ZFHX3: variants seen among roughly 807,000 people sequenced by gnomAD.
The protein encoded by ZFHX3 is zinc finger homeobox 3.
A neutral mutation model predicts 279.1 loss-of-function variants in ZFHX3; 42 were observed. The ratio of observed to expected loss-of-function variants is 0.15; its 90% CI spans 0.12 to 0.19. The LOEUF is 0.19. ZFHX3 is among the 10% of genes least tolerant of loss of function. The probability of loss-of-function intolerance (pLI) is 1.00; values close to 1 mark genes in which losing one functional copy is unlikely to be tolerated. For missense variants in ZFHX3, 4,981 were observed against 4,754.0 expected, an observed-to-expected ratio of 1.05 and a Z score of -1.40; for synonymous variants, 2,293 against 1,957.8, an observed-to-expected ratio of 1.17 and a Z score of -4.52.
At chr16:73,006,294 C>T (rs1963699391) in intron 1 of ZFHX3, among the ~76,000 whole-genome samples, 1 of 152,096 alleles carries the variant, frequency 6.6e-6, no homozygotes, top group African/African-American at 2.4e-5. Flanking sequence ...CTTGAGTTTT[C>T]AAAATTCTAA....
intron 7 of ZFHX3, among the ~76,000 whole-genome samples, chr16:73,124,337 G>A (rs1025674948): frequency 1.3e-5 from 2 of 152,126 alleles, no homozygotes; most frequent in African/African-American, 4.8e-5. Flanking sequence ...TTCATGTGGT[G>A]GAAGGAGCAA....
chr16:73,041,825 T>C (rs1329686823), intron 1 of ZFHX3, among the ~76,000 whole-genome samples: 1 of 152,198 alleles, frequency 6.6e-6, no homozygotes, highest in Non-Finnish European at 1.5e-5. Flanking sequence ...AAATGTACAT[T>C]AAGAACCAAG....
chr16:73,843,588 G>A (rs1000983162), intron 1 of ZFHX3, among the ~76,000 whole-genome samples: 1 of 152,174 alleles, frequency 6.6e-6, no homozygotes, highest in Non-Finnish European at 1.5e-5. Flanking sequence ...ATCAGACAAG[G>A]AATAGGAAAT....
intron 2 of ZFHX3, among the ~76,000 whole-genome samples, chr16:73,565,387 A>G (rs865908531): frequency 6.6e-6 from 1 of 152,200 alleles, no homozygotes; most frequent in South Asian, 2.1e-4. Flanking sequence ...AACCCCGATG[A>G]ATTCTTCAAT....
In ZFHX3 at chr16:73,711,005, G is replaced by A. The variant is rs16972345; in HGVS notation, c.-1607-30765C>T. ...TTACTGCACAGCCTGGTCATTATACGGAAAGACGTGCTGTAATTCAAAAGT... is the reference window on the plus strand; with the variant it reads ...TTACTGCACAGCCTGGTCATTATACAGAAAGACGTGCTGTAATTCAAAAGT... On this transcript the variant is annotated intron_variant, in intron 1 of 17. Coordinates refer to the ZFHX3 transcript ENST00000641206. Among the ~76,000 whole-genome samples the A allele has an allele frequency of 4.0e-3, 616 of 152,254 alleles. 3 individuals carry two copies. Among genetic ancestry groups the A allele is most frequent in the African/African-American group, 0.014 (580 of 41,558 alleles).
intron 1 of ZFHX3, among the ~76,000 whole-genome samples, chr16:73,788,368 C>T (rs1286298352): frequency 6.6e-6 from 1 of 152,196 alleles, no homozygotes; most frequent in Non-Finnish European, 1.5e-5. Flanking sequence ...GCAAAACACC[C>T]AGCACAGGTT....
At chr16:73,344,130 G>T (rs1330881821) in intron 3 of ZFHX3, among the ~76,000 whole-genome samples, 2 of 152,102 alleles carry the variant, frequency 1.3e-5, no homozygotes, top group African/African-American at 4.8e-5. Context: ...CCTTATAATG[G>T]AGAAACCTGG....
At chr16:73,000,552 C>A (rs1054498976) in intron 1 of ZFHX3, among the ~76,000 whole-genome samples, 4 of 152,140 alleles carry the variant, frequency 2.6e-5, no homozygotes, top group African/African-American at 9.7e-5. Flanking sequence ...GGCATTGAGA[C>A]ACACAAAAAG....
chr16:73,800,674 GC>G (rs1248755495), intron 1 of ZFHX3, among the ~76,000 whole-genome samples: 1 of 152,038 alleles, frequency 6.6e-6, no homozygotes, highest in African/African-American at 2.4e-5. Context: ...AGCCCCTGGG[GC>G]TTTCTCAATT....
At chr16:73,524,391 G>A (rs1338375183) in intron 2 of ZFHX3, among the ~76,000 whole-genome samples, 7 of 152,208 alleles carry the variant, frequency 4.6e-5, no homozygotes, top group Non-Finnish European at 8.8e-5. Flanking sequence ...GGGAGGCATC[G>A]TAAAACATCA....
chr16:73,332,707 AC>A (rs1445929612), intron 3 of ZFHX3, among the ~76,000 whole-genome samples: 6 of 152,210 alleles, frequency 3.9e-5, no homozygotes, highest in African/African-American at 1.4e-4. Context: ...CAAACCACGA[AC>A]AAAAGTGATG....
intron 5 of ZFHX3, among the ~76,000 whole-genome samples, chr16:73,247,254 C>T (rs2013311726): frequency 6.8e-6 from 1 of 146,542 alleles, no homozygotes; most frequent in South Asian, 2.2e-4. Context: ...ATGTGGAGTA[C>T]ATGTGTGTGT....
At chr16:72,881,679 G>C (rs1406584936) in intron 4 of ZFHX3, among the ~76,000 whole-genome samples, 1 of 152,166 alleles carries the variant, frequency 6.6e-6, no homozygotes, top group Non-Finnish European at 1.5e-5. Flanking sequence ...CCAGAGGCTA[G>C]GATAGGGGAT....
At chr16:72,840,183 A>G (rs1031188962) in intron 4 of ZFHX3, among the ~76,000 whole-genome samples, 1 of 152,148 alleles carries the variant, frequency 6.6e-6, no homozygotes, top group Non-Finnish European at 1.5e-5. Context: ...CTGGAAATAT[A>G]TGGATGAAAA....
At chr16:73,238,263 G>A (rs1341439320) in intron 5 of ZFHX3, among the ~76,000 whole-genome samples, 1 of 152,080 alleles carries the variant, frequency 6.6e-6, no homozygotes, top group East Asian at 1.9e-4. Context: ...TAAAGCCTTG[G>A]CTTCAATGAT....
intron 1 of ZFHX3, among the ~76,000 whole-genome samples, chr16:73,771,266 T>C (rs1266571578): frequency 6.6e-6 from 1 of 152,180 alleles, no homozygotes; most frequent in Non-Finnish European, 1.5e-5. Flanking sequence ...GGATGAATCC[T>C]GGAAGTTTCC....
chr16:73,433,899 G>T (rs1421768941), intron 3 of ZFHX3, among the ~76,000 whole-genome samples: 1 of 152,074 alleles, frequency 6.6e-6, no homozygotes, highest in Non-Finnish European at 1.5e-5. Context: ...GGCTGCACTG[G>T]GGTTATGTCA....
Position 73,120,649 on chromosome 16 carries a change from C to CTTT in ZFHX3, c.-897+10318_-897+10319insAAA, listed in dbSNP as rs140219846. On this transcript the variant is annotated intron_variant, in intron 7 of 17. Coordinates refer to the ZFHX3 transcript ENST00000641206. ...TTGTTTTTCTGCCCTATCCTCTCTACCTTTTTTTTTTTTTTTTTTTTTTGA... is the reference window on the plus strand; with the variant it reads ...TTGTTTTTCTGCCCTATCCTCTCTACTTTCTTTTTTTTTTTTTTTTTTTTTTGA... Among the ~76,000 whole-genome samples the CTTT allele has an allele frequency of 1.8e-3, 194 of 106,158 alleles. 21 individuals are homozygous for CTTT. The highest frequency in any genetic ancestry group is 2.2e-3 in the Non-Finnish European group (112 of 50,550). The allele number at this position is 106,158 out of a possible 152,430, so 69.6% of individuals were successfully genotyped here.
intron 2 of ZFHX3, among the ~76,000 whole-genome samples, chr16:73,660,683 T>A (rs2052773069): frequency 1.3e-5 from 2 of 152,168 alleles, no homozygotes; most frequent in African/African-American, 4.8e-5. Context: ...GAAAACGTGC[T>A]TTTGCATTTA....
Sources: allele counts gnomAD v4.1 joint callset (sites outside exome capture counted in the v4.1 genomes callset), GRCh38; gene constraint gnomAD v4.1.1; transcripts MANE v1.5; gene names NCBI Gene and HGNC (gene_info 2026-07-23, HGNC 2026-07-21).